The following ADAM29 variants were observed in gnomAD, a reference collection of about 807,000 sequenced individuals.
ADAM29 encodes ADAM metallopeptidase domain 29, also known as disintegrin and metalloproteinase domain-containing protein 29.
For synonymous variants in ADAM29, 367 were observed against 342.3 expected (o/e 1.07, Z -0.80); for missense variants, 969 against 1,001.8 (o/e 0.97, Z 0.44).
At chr4:174,938,553 G>T (rs903189233) in intron 4 of ADAM29, among the ~76,000 whole-genome samples, 4 of 151,980 alleles carry the variant, frequency 2.6e-5, no homozygotes, top group Admixed American at 2.0e-4. Flanking sequence ...CTTTGCTCAG[G>T]TTTCATAAAA....
chr4:174,975,227 G>A (rs572927385), intron 4 of ADAM29, 119 bp from the exon 5 acceptor site: 1 of 264,000 alleles, frequency 3.8e-6, no homozygotes, highest in African/African-American at 2.2e-5. Flanking sequence ...ATTCCTTGAT[G>A]AAAGCACTAA....
At chr4:174,933,576 G>A (rs1016797366) in intron 3 of ADAM29, among the ~76,000 whole-genome samples, 22 of 152,050 alleles carry the variant, frequency 1.4e-4, no homozygotes, top group African/African-American at 5.3e-4. Flanking sequence ...TCTTCGCCCA[G>A]GTATTAAGCC....
At chr4:174,927,664 G>A (rs1423882611) in intron 2 of ADAM29, among the ~76,000 whole-genome samples, 1 of 152,182 alleles carries the variant, frequency 6.6e-6, no homozygotes, top group East Asian at 1.9e-4. Context: ...CAGCCTTGGT[G>A]AACTCACTTA....
chr4:174,933,532 A>G (rs1278604909), intron 3 of ADAM29, among the ~76,000 whole-genome samples: 1 of 152,104 alleles, frequency 6.6e-6, no homozygotes, highest in Non-Finnish European at 1.5e-5. Flanking sequence ...ATATAGGTAA[A>G]CATATGTCAC....
chr4:174,925,087 C>T (rs1743425388), intron 2 of ADAM29, among the ~76,000 whole-genome samples: 2 of 152,056 alleles, frequency 1.3e-5, no homozygotes, highest in Admixed American at 6.6e-5. Flanking sequence ...CAGTACTCCT[C>T]AAGATTGTCA....
intron 2 of ADAM29, among the ~76,000 whole-genome samples, chr4:174,925,083 T>C (rs373603664): frequency 3.9e-4 from 59 of 152,184 alleles, no homozygotes; most frequent in South Asian, 1.9e-3. Flanking sequence ...TTCCCAGTAC[T>C]CCTCAAGATT....
In ADAM29 at chr4:174,976,547, A is replaced by T. The variant is rs1157627677; in HGVS notation, c.1022A>T (p.Asn341Ile). Reference sequence around the variant, plus strand: ...CATCTAGGTCATAATTTGGGCATGAACCATGATGAGGATACATGTCGTTGT... The same window carrying T: ...CATCTAGGTCATAATTTGGGCATGATCCATGATGAGGATACATGTCGTTGT... ...AHHLGHNLGMNHDEDTCRCSQ... is the reference protein window; with the variant it reads ...AHHLGHNLGMIHDEDTCRCSQ... The change falls in exon 5 of 5, where the codon AAC (asparagine) becomes ATC (isoleucine). Residue 341 changes from asparagine to isoleucine, a missense_variant. Transcript: ENST00000359240. 6.2e-7 allele frequency: 1 copy of T among 1,603,776 alleles called. No homozygotes were observed. The highest frequency in any genetic ancestry group is 8.5e-7 in the Non-Finnish European group (1 of 1,175,352).
intron 2 of ADAM29, among the ~76,000 whole-genome samples, chr4:174,930,244 C>A (rs1743785463): frequency 6.6e-6 from 1 of 152,080 alleles, no homozygotes; most frequent in Non-Finnish European, 1.5e-5. Context: ...TCATATATAT[C>A]TATATATGAA....
chr4:174,956,523 A>AG (rs1233717852), intron 4 of ADAM29, among the ~76,000 whole-genome samples: 3 of 52,080 alleles, frequency 5.8e-5, no homozygotes, highest in African/African-American at 1.1e-4. Context: ...AGAGAGAGAG[A>AG]AAAAAAAGAG....
chr4:174,930,740 A>T (rs140738749), intron 2 of ADAM29, among the ~76,000 whole-genome samples: 1 of 152,312 alleles, frequency 6.6e-6, no homozygotes, highest in East Asian at 1.9e-4. Context: ...TTAACAATTC[A>T]AATAGCCCAC....
chr4:174,928,099 CG>C (rs968973071), intron 2 of ADAM29, among the ~76,000 whole-genome samples: 1 of 152,078 alleles, frequency 6.6e-6, no homozygotes, highest in African/African-American at 2.4e-5. Flanking sequence ...CTGCTTAAAA[CG>C]TTTTCCCTAA....
intron 2 of ADAM29, among the ~76,000 whole-genome samples, chr4:174,923,427 C>T (rs1743281945): frequency 1.3e-5 from 2 of 150,702 alleles, no homozygotes; most frequent in Admixed American, 1.3e-4. Context: ...GGGTGAGTGC[C>T]CCATAAGCTG....
Position 174,976,329 on chromosome 4 carries a change from G to C in ADAM29, c.804G>C (p.Leu268=), listed in dbSNP as rs1044016527. The change falls in exon 5 of 5, where the codon CTG becomes CTC. Residue 268 remains leucine (L), a synonymous_variant. Coordinates refer to ENST00000359240, the MANE Select transcript of ADAM29 (RefSeq NM_014269.4). ...VVDDVRKSVH[L]YCKWKSENIT... Reference sequence around the variant, plus strand: ...ATGATGTAAGGAAATCTGTGCACCTGTATTGCAAGTGGAAGTCGGAGAACA... The same window carrying C: ...ATGATGTAAGGAAATCTGTGCACCTCTATTGCAAGTGGAAGTCGGAGAACA... The C allele has an allele frequency of 6.2e-7, 1 of 1,611,780 alleles. No homozygotes were observed. Among genetic ancestry groups the C allele is most frequent in the East Asian group, 2.2e-5 (1 of 44,866 alleles).
At position 174,931,934 on chromosome 4, in the gene ADAM29, A is replaced by G. The variant is rs143764728; in HGVS notation, c.-262+760A>G. Among the ~76,000 whole-genome samples the G allele has an allele frequency of 9.1e-3, 1,386 of 152,238 alleles. 19 individuals carry two copies. Among genetic ancestry groups the G allele is most frequent in the African/African-American group, 0.031 (1,276 of 41,530 alleles). On this transcript the variant is annotated intron_variant, in intron 3 of 4. Coordinates refer to ENST00000359240, the MANE Select transcript of ADAM29 (RefSeq NM_014269.4). ...TATTTTTCTCATTTGTATTTTATTT[A>G]AATTTTCATATTTACTTTCATTGAA...
At chr4:174,926,537 G>A (rs953572007) in intron 2 of ADAM29, among the ~76,000 whole-genome samples, 2 of 151,914 alleles carry the variant, frequency 1.3e-5, no homozygotes, top group Non-Finnish European at 2.9e-5. Context: ...GCTGACCGGG[G>A]AGGATTGCTT....
chr4:174,920,433 A>G (rs1743101458), intron 1 of ADAM29, among the ~76,000 whole-genome samples: 1 of 152,150 alleles, frequency 6.6e-6, no homozygotes, highest in South Asian at 2.1e-4. Flanking sequence ...TTCTTCCATT[A>G]GAAGAGGGAA....
At chr4:174,968,012 T>C (rs1390204995) in intron 4 of ADAM29, among the ~76,000 whole-genome samples, 1 of 152,168 alleles carries the variant, frequency 6.6e-6, no homozygotes, top group African/African-American at 2.4e-5. Flanking sequence ...ATTTTGTTCA[T>C]TATACTCGCT....
chr4:174,947,245 T>G (rs1744907273), intron 4 of ADAM29, among the ~76,000 whole-genome samples: 1 of 152,150 alleles, frequency 6.6e-6, no homozygotes, highest in Non-Finnish European at 1.5e-5. Context: ...TGTGTCAGTT[T>G]CACTCAGTTC....
chr4:174,956,595 T>C (rs1745519151), intron 4 of ADAM29, among the ~76,000 whole-genome samples: 2 of 151,768 alleles, frequency 1.3e-5, no homozygotes, highest in African/African-American at 4.8e-5. Context: ...GTGCTCAGTA[T>C]AGTCAGTGCT....
Sources: gnomAD v4.1 joint callset for allele counts (sites outside exome capture counted in the v4.1 genomes callset) on GRCh38, gnomAD v4.1.1 for gene constraint, MANE v1.5 for transcripts, NCBI Gene and HGNC (gene_info 2026-07-23, HGNC 2026-07-21) for gene names.